The following TAF7L variants were observed in gnomAD, a reference collection of about 807,000 sequenced individuals.
TAF7L encodes TATA-box binding protein associated factor 7 like.
Under a neutral mutation model 30.2 loss-of-function variants are expected in TAF7L, and 6 were observed. The ratio of observed to expected loss-of-function variants is 0.20; its 90% CI spans 0.11 to 0.39. The LOEUF is 0.39. Ranked by LOEUF, TAF7L falls within the 10% of genes least tolerant of loss-of-function variation. The pLI, the probability that TAF7L is intolerant of heterozygous loss-of-function variation, is 1.00. For synonymous variants in TAF7L, 93 were observed against 94.5 expected (o/e 0.98, Z 0.09); for missense variants, 284 against 277.1 (o/e 1.03, Z -0.18).
chrX:101,291,263 G>A lies in TAF7L; in HGVS notation c.-42C>T, dbSNP rs936557126. 1 of 754,466 alleles carries A rather than the reference G, an allele frequency of 1.3e-6. No individual in the cohort carries two copies. Among genetic ancestry groups the A allele is most frequent in the African/African-American group, 2.3e-5 (1 of 43,939 alleles). 62.2% of individuals were successfully genotyped at this position (754,466 alleles called of 1,213,427 possible). A position where few individuals can be genotyped will look rare whatever the true frequency, so the allele number is the denominator to read the frequency against. On this transcript the variant is annotated 5_prime_UTR_variant, in exon 1 of 13. Transcript: ENST00000356784. ...ACTGGCGCCGACACCGAAAAGGCTG[G>A]GACCTGCGTCTCTGGTCTGTGGGTT...
At chrX:101,291,346 G>A (rs1037715864), upstream of TAF7L, 43 of 737,748 alleles carry the variant, frequency 5.8e-5, no homozygotes, top group Non-Finnish European at 2.2e-5. Flanking sequence ...CTGGGCTGCC[G>A]GCGCCTGGAC....
intron 3 of TAF7L, among the ~76,000 whole-genome samples, chrX:101,286,196 G>A (rs866976373): frequency 3.5e-5 from 3 of 86,594 alleles, no homozygotes; most frequent in African/African-American, 5.1e-5. Flanking sequence ...AAAAAAAAAA[G>A]AAAGAAAGAA....
At chrX:101,291,177 C>A in intron 1 of TAF7L, 47 bp downstream of exon 1, 1 of 631,958 alleles carries the variant, frequency 1.6e-6, no homozygotes, top group Non-Finnish European at 1.9e-6. Context: ...TGCACACTGG[C>A]GGGGCGCTGA....
intron 11 of TAF7L, 30 bp downstream of exon 11, chrX:101,275,970 A>G (rs375206047): frequency 2.1e-4 from 220 of 1,027,746 alleles, no homozygotes; most frequent in Non-Finnish European, 2.8e-4. Context: ...GTAAGATATC[A>G]GGATTTCTTT....
chrX:101,271,095 G>C (rs1882848566), intron 12 of TAF7L, among the ~76,000 whole-genome samples: 1 of 111,540 alleles, frequency 9.0e-6, no homozygotes, highest in Non-Finnish European at 1.9e-5. Flanking sequence ...CCCAAATGAA[G>C]ACAGAGACTA....
chrX:101,291,802 A>C (rs1471817789), upstream of TAF7L, among the ~76,000 whole-genome samples: 15 of 98,765 alleles, frequency 1.5e-4, no homozygotes, highest in Middle Eastern at 6.1e-3. Flanking sequence ...GGAGGTGGAG[A>C]TTGCAGTGAG....
In TAF7L at chrX:101,278,126, A is replaced by G; in HGVS notation, c.505-5T>C. The G allele has an allele frequency of 4.1e-6, 5 of 1,205,537 alleles. No homozygotes were observed. Among genetic ancestry groups the G allele is most frequent in the Non-Finnish European group, 3.4e-6 (3 of 889,834 alleles). The stretch of plus-strand genomic sequence containing the variant: ...CACGTCTGGAGATTCAATGTACTGA[A>G]GCAAAGTTGGGGATTAGAGGGGGAT... On this transcript the variant is annotated splice_polypyrimidine_tract_variant and splice_region_variant and intron_variant, in intron 7 of 12. Transcript: ENST00000356784.
chrX:101,283,840 T>C (rs1395618916), intron 3 of TAF7L, among the ~76,000 whole-genome samples: 1 of 111,438 alleles, frequency 9.0e-6, no homozygotes, highest in African/African-American at 3.3e-5. Context: ...GAACTAAATA[T>C]AGGTGAAGTA....
intron 5 of TAF7L, 26 bp downstream of exon 5, chrX:101,282,301 G>C (rs1198241311): frequency 8.3e-7 from 1 of 1,207,106 alleles, no homozygotes; most frequent in African/African-American, 1.8e-5. Flanking sequence ...TAGTCAGCAG[G>C]AATGAGCAAG....
chrX:101,292,799 C>T (rs183103473), upstream of TAF7L: 3 of 1,206,136 alleles, frequency 2.5e-6, no homozygotes, highest in Non-Finnish European at 3.4e-6. Flanking sequence ...CCTTTCCCTT[C>T]CTGGAAGTTT....
At chrX:101,277,782 A>C in intron 8 of TAF7L, 63 bp from the exon 9 acceptor site, 1 of 833,156 alleles carries the variant, frequency 1.2e-6, no homozygotes. Context: ...CTGAAAGGGA[A>C]GGGGCTCTTT....
At chrX:101,272,907 C>T (rs953529660) in intron 12 of TAF7L, among the ~76,000 whole-genome samples, 2 of 110,165 alleles carry the variant, frequency 1.8e-5, no homozygotes, top group Non-Finnish European at 3.8e-5. Flanking sequence ...CTCAGCCTCC[C>T]GAGCAGCTGG....
chrX:101,276,217 G>C, intron 10 of TAF7L, 90 bp downstream of exon 10: 2 of 1,188,421 alleles, frequency 1.7e-6, no homozygotes, highest in Non-Finnish European at 2.3e-6. Flanking sequence ...ATAACTTCTT[G>C]AGCTTAGCTT....
chrX:101,271,708 A>T (rs754615485), intron 12 of TAF7L, among the ~76,000 whole-genome samples: 1 of 111,449 alleles, frequency 9.0e-6, no homozygotes, highest in South Asian at 3.8e-4. Context: ...AAAATTAAGT[A>T]ATTCTGCTGC....
intron 12 of TAF7L, among the ~76,000 whole-genome samples, chrX:101,273,818 C>A (rs924515322): frequency 2.7e-5 from 3 of 111,310 alleles, no homozygotes; most frequent in Admixed American, 9.6e-5. Context: ...ACCTTGCATA[C>A]GCTCCACCTA....
At chrX:101,289,357 C>T (rs1924720321) in intron 1 of TAF7L, among the ~76,000 whole-genome samples, 1 of 111,651 alleles carries the variant, frequency 9.0e-6, no homozygotes, top group South Asian at 3.7e-4. Context: ...CATGTGTGTG[C>T]GGATATTTCT....
Position 101,276,030 on chromosome X carries a change from G to A in TAF7L, c.996C>T (p.Leu332=), listed in dbSNP as rs1274009727. The A allele has an allele frequency of 8.3e-7, 1 of 1,201,336 alleles. No homozygotes were observed. The highest frequency in any genetic ancestry group is 3.0e-5 in the East Asian group (1 of 33,770). ...GTGTCAGGTTTTCCACTTTCATGAT[G>A]AGATCCTTCTGTCTTTGTGCTTTAT... ...IQNKAQRQKD[L]IMKVENLTLK... is the part of the protein sequence containing the mutation. The change falls in exon 11 of 13, where the codon CTC becomes CTT. Residue 332 remains leucine, a synonymous_variant. Coordinates refer to ENST00000356784, the MANE Select transcript of TAF7L (RefSeq NM_001168474.2).
intron 9 of TAF7L, among the ~76,000 whole-genome samples, 155 bp downstream of exon 9, chrX:101,277,451 C>CAAAA (rs368056727): frequency 4.9e-5 from 2 of 40,416 alleles, no homozygotes; most frequent in African/African-American, 2.0e-4. Flanking sequence ...GACTCCATCT[C>CAAAA]AAAAAAAAAA....
At chrX:101,277,765 G>C in intron 8 of TAF7L, 46 bp from the exon 9 acceptor site, 1 of 950,344 alleles carries the variant, frequency 1.1e-6, no homozygotes, top group South Asian at 2.1e-5. Flanking sequence ...GAAACAAAAA[G>C]GCACAGCTGA....
Sources: allele counts gnomAD v4.1 joint callset (sites outside exome capture counted in the v4.1 genomes callset), GRCh38; gene constraint gnomAD v4.1.1; transcripts MANE v1.5; gene names NCBI Gene and HGNC (gene_info 2026-07-23, HGNC 2026-07-21).